VMP1: variants seen among roughly 807,000 people sequenced by gnomAD.
VMP1 encodes the protein vacuole membrane protein 1.
In VMP1, 11 loss-of-function variants were observed where a neutral mutation model predicts 56.0. That is an observed-to-expected ratio of 0.20 (90% confidence interval 0.12 to 0.32). The LOEUF is 0.32. VMP1 is among the 10% of genes least tolerant of loss of function. The pLI, the probability that VMP1 is intolerant of heterozygous loss-of-function variation, is 1.00. For synonymous variants in VMP1, 149 were observed against 165.0 expected (o/e 0.90, Z 0.74); for missense variants, 296 against 490.3 (o/e 0.60, Z 3.74).
chr17:59,739,523 GAC>G (rs2035138068), intron 5 of VMP1, among the ~76,000 whole-genome samples: 1 of 151,818 alleles, frequency 6.6e-6, no homozygotes. Flanking sequence ...TGGAGATCGA[GAC>G]CATCCTGGCT....
chr17:59,720,366 G>GTTTA (rs1325826107), intron 1 of VMP1, among the ~76,000 whole-genome samples: 1 of 152,128 alleles, frequency 6.6e-6, no homozygotes, highest in Non-Finnish European at 1.5e-5. Flanking sequence ...ATTTCAAGAT[G>GTTTA]TTTAGATTGA....
At position 59,838,209 on chromosome 17, in the gene VMP1, G is replaced by C. The variant is rs1187662799; in HGVS notation, c.975-86G>C. ...ATCCAATCCCTGCCTTTTGAGTCCAGGTGGTAAGTACATTTTCTTTAACGT... is the reference window on the plus strand; with the variant it reads ...ATCCAATCCCTGCCTTTTGAGTCCACGTGGTAAGTACATTTTCTTTAACGT... On this transcript the variant is annotated intron_variant, in intron 10 of 11. Coordinates refer to ENST00000262291, the MANE Select transcript of VMP1 (RefSeq NM_030938.5). 2.8e-6 allele frequency: 3 copies of C among 1,056,536 alleles called. No homozygotes were observed. In the East Asian group the frequency reaches 7.7e-5, roughly 27 times the overall value. The allele number at this position is 1,056,536 out of a possible 1,614,324, so 65.4% of individuals were successfully genotyped here. A position where few individuals can be genotyped will look rare whatever the true frequency, so the allele number is the denominator to read the frequency against.
At chr17:59,834,173 T>G (rs2038903768) in intron 10 of VMP1, 1 of 152,074 alleles carries the variant, frequency 6.6e-6, no homozygotes, top group Non-Finnish European at 1.5e-5. Flanking sequence ...GCCAGGCTGG[T>G]CTCGAACTCC....
chr17:59,810,015 C>A (rs1428056120), intron 8 of VMP1, among the ~76,000 whole-genome samples: 1 of 152,120 alleles, frequency 6.6e-6, no homozygotes, highest in Non-Finnish European at 1.5e-5. Flanking sequence ...TGACTTCATT[C>A]TTTCCTCAAA....
intron 9 of VMP1, among the ~76,000 whole-genome samples, chr17:59,816,437 AGTC>A (rs1307542457): frequency 6.6e-6 from 1 of 152,246 alleles, no homozygotes; most frequent in Admixed American, 6.5e-5. Flanking sequence ...TTGCCTTATT[AGTC>A]TTCTTGCCAG....
intron 10 of VMP1, among the ~76,000 whole-genome samples, chr17:59,827,811 G>A (rs958194203): frequency 3.3e-5 from 5 of 151,986 alleles, no homozygotes; most frequent in Admixed American, 1.3e-4. Context: ...ATTAGCTACT[G>A]TGGCCCCAGC....
intron 7 of VMP1, among the ~76,000 whole-genome samples, chr17:59,806,939 GGTT>G (rs1277010913): frequency 1.6e-4 from 25 of 151,568 alleles, no homozygotes; most frequent in Non-Finnish European, 1.5e-5. Flanking sequence ...TTATTGGTTT[GGTT>G]TCTTTGACTT....
At chr17:59,709,650 A>T (rs2033830634) in intron 1 of VMP1, among the ~76,000 whole-genome samples, 1 of 152,222 alleles carries the variant, frequency 6.6e-6, no homozygotes, top group African/African-American at 2.4e-5. Flanking sequence ...TTCTGAGATG[A>T]TCTTTGCCCC....
intron 1 of VMP1, among the ~76,000 whole-genome samples, chr17:59,712,029 C>G (rs1228151030): frequency 6.6e-6 from 1 of 152,112 alleles, no homozygotes; most frequent in African/African-American, 2.4e-5. Flanking sequence ...CTTTTTACTT[C>G]TTGCTATCTC....
chr17:59,712,746 G>T (rs1038847248), intron 1 of VMP1, among the ~76,000 whole-genome samples: 22 of 152,192 alleles, frequency 1.4e-4, no homozygotes, highest in African/African-American at 5.1e-4. Context: ...AATTTTGCAG[G>T]CCAAGGGAAT....
intron 5 of VMP1, among the ~76,000 whole-genome samples, chr17:59,755,268 C>T (rs999926315): frequency 1.3e-5 from 2 of 151,726 alleles, no homozygotes; most frequent in African/African-American, 2.4e-5. Flanking sequence ...CCACCACACC[C>T]GGCTAATTTT....
chr17:59,798,716 G>A (rs1352195531), intron 7 of VMP1, among the ~76,000 whole-genome samples: 2 of 151,978 alleles, frequency 1.3e-5, no homozygotes, highest in African/African-American at 2.4e-5. Context: ...GAGAAACCCC[G>A]TCTCCACTAA....
At position 59,738,911 on chromosome 17, in the gene VMP1, G is replaced by A. The variant is rs377160073; in HGVS notation, c.378G>A (p.Gly126=). Residue 126 remains glycine, a synonymous_variant, in exon 5 of 12, where the codon GGG becomes GGA. Coordinates refer to ENST00000262291, the MANE Select transcript of VMP1 (RefSeq NM_030938.5). Reference sequence around the variant, plus strand: ...GCTTAGGAATTTTGTCTTCTGTTGGGCTTGGAACAGGGCTGCACACCTTTC... The same window carrying A: ...GCTTAGGAATTTTGTCTTCTGTTGGACTTGGAACAGGGCTGCACACCTTTC... ...WIGLGILSSV[G]LGTGLHTFLL... is the part of the protein sequence containing the mutation. The A allele has an allele frequency of 3.1e-6, 5 of 1,612,810 alleles. No individual in the cohort carries two copies. The African/African-American group carries it at 4.0e-5, about 13-fold the overall frequency.
intron 9 of VMP1, among the ~76,000 whole-genome samples, chr17:59,813,065 A>T (rs1331611281): frequency 6.6e-6 from 1 of 152,196 alleles, no homozygotes; most frequent in Non-Finnish European, 1.5e-5. Context: ...ATGAAACAGG[A>T]AAACTTCGGC....
At chr17:59,785,282 G>A (rs1411355676) in intron 7 of VMP1, among the ~76,000 whole-genome samples, 1 of 152,160 alleles carries the variant, frequency 6.6e-6, no homozygotes, top group African/African-American at 2.4e-5. Context: ...GTGTTAGGTT[G>A]CTGACTATGT....
At chr17:59,798,822 GT>G (rs1175828968) in intron 7 of VMP1, among the ~76,000 whole-genome samples, 1 of 152,146 alleles carries the variant, frequency 6.6e-6, no homozygotes, top group Non-Finnish European at 1.5e-5. Context: ...GGAGGCAGAG[GT>G]TGCAGTGAGC....
chr17:59,823,635 C>T (rs2038532700), intron 10 of VMP1, among the ~76,000 whole-genome samples: 1 of 151,698 alleles, frequency 6.6e-6, no homozygotes, highest in Non-Finnish European at 1.5e-5. Context: ...ACCTGTATCT[C>T]AGCTACTTGG....
intron 1 of VMP1, among the ~76,000 whole-genome samples, chr17:59,724,383 G>A (rs781462029): frequency 2.0e-5 from 3 of 151,824 alleles, no homozygotes; most frequent in Non-Finnish European, 4.4e-5. Context: ...TTTGAGCTTT[G>A]GCATCTTAAT....
chr17:59,823,087 G>GA (rs1205374553), intron 10 of VMP1, among the ~76,000 whole-genome samples: 1 of 151,932 alleles, frequency 6.6e-6, no homozygotes, highest in South Asian at 2.1e-4. Context: ...CCTGATTCTT[G>GA]AAAAAAAGAA....
Sources: allele counts gnomAD v4.1 joint callset (sites outside exome capture counted in the v4.1 genomes callset), GRCh38; gene constraint gnomAD v4.1.1; transcripts MANE v1.5; gene names NCBI Gene and HGNC (gene_info 2026-07-23, HGNC 2026-07-21).